MUC12: variants seen among roughly 807,000 people sequenced by gnomAD.
MUC12 encodes mucin-12.
MUC12 carries 172 observed loss-of-function variants against 230.8 expected under a neutral mutation model. The ratio of observed to expected loss-of-function variants is 0.75; its 90% CI spans 0.66 to 0.85. The LOEUF (loss-of-function observed/expected upper bound fraction) is 0.85, where lower values mean the gene tolerates loss of function less well. Among genes scored for constraint, MUC12 ranks in the 40% least tolerant of loss-of-function variants. MUC12 has a pLI of 0.00. For synonymous variants in MUC12, 1,259 were observed against 2,401.9 expected (o/e 0.52, Z 13.91); for missense variants, 3,506 against 5,920.6 (o/e 0.59, Z 13.38).
At chr7:101,005,594 A>G (rs6964653) in intron 2 of MUC12, 75 bp downstream of exon 2, 2 of 1,424,538 alleles carry the variant, frequency 1.4e-6, no homozygotes, top group Admixed American at 2.5e-5. Context: ...ATCCATTACA[A>G]CCTCTCTTGG....
At chr7:101,015,951 C>T (rs1022024279) in intron 10 of MUC12, among the ~76,000 whole-genome samples, 18 of 152,120 alleles carry the variant, frequency 1.2e-4, no homozygotes, top group Middle Eastern at 3.2e-3. Context: ...CTCAGCTAAG[C>T]GGGGTGATAG....
Position 101,012,418 on chromosome 7 carries a change from C to A in MUC12, c.15374C>A (p.Thr5125Lys). 1.3e-6 allele frequency: 2 copies of A among 1,537,848 alleles called. No homozygotes were observed. The highest frequency in any genetic ancestry group is 1.7e-6 in the Non-Finnish European group (2 of 1,147,042). Residue 5125 changes from threonine to lysine, a missense_variant, in exon 6 of 12, where the codon ACA becomes AAA. Transcript: ENST00000536621. ...GCCAAGATTATGAATGAAACTAGAACAACTCTTCTTGATCCTGATTCCTGC... is the reference window on the plus strand; with the variant it reads ...GCCAAGATTATGAATGAAACTAGAAAAACTCTTCTTGATCCTGATTCCTGC... ...VKAKIMNETR[T>K]TLLDPDSCRK...
chr7:100,972,594 C>G (rs1424824034), intron 1 of MUC12, among the ~76,000 whole-genome samples: 1 of 147,430 alleles, frequency 6.8e-6, no homozygotes, highest in Non-Finnish European at 1.5e-5. Context: ...CCTCTGTCTC[C>G]AGGGTTCAAG....
chr7:101,018,197 CTCCCTCCCCCTGGGACCCCT>C (rs1232420074), intron 11 of MUC12, among the ~76,000 whole-genome samples: 62 of 1,960 alleles, frequency 0.032, 30 homozygotes, highest in East Asian at 0.15. Context: ...CTGGGACTCC[CTCCCTCCCCCTGGGACCCCT>C]TCCCTTCCCC....
chr7:101,012,116 G>C (rs1793846709), intron 5 of MUC12, among the ~76,000 whole-genome samples, 180 bp from the exon 6 acceptor site: 2 of 152,112 alleles, frequency 1.3e-5, no homozygotes, highest in Admixed American at 6.5e-5. Flanking sequence ...GTGAGATCTT[G>C]AATCGTTTCG....
In MUC12 at chr7:100,991,133, T is replaced by C; in HGVS notation, c.570T>C (p.Ser190=). Residue 190 remains serine (S), a synonymous_variant, in exon 2 of 12, where the codon AGT becomes AGC. Transcript: ENST00000536621. ...ACAGTACCACCATGCCAGGCGTCAG[T>C]CAGGAATCTACAGCTTCCCACAGCA... ...FPDSTTMPGV[S]QESTASHSIP... is the part of the protein sequence containing the mutation. 3 of 1,537,732 alleles carry C rather than the reference T, an allele frequency of 2.0e-6. No homozygotes were observed. Among genetic ancestry groups the C allele is most frequent in the East Asian group, 2.4e-5 (1 of 40,918 alleles).
intron 2 of MUC12, among the ~76,000 whole-genome samples, 156 bp downstream of exon 2, chr7:101,005,675 A>T (rs1793736057): frequency 6.6e-6 from 1 of 152,110 alleles, no homozygotes; most frequent in African/African-American, 2.4e-5. Context: ...TACCACTTCC[A>T]GTGTTCATGT....
At chr7:100,975,479 T>A (rs1450510771) in intron 1 of MUC12, among the ~76,000 whole-genome samples, 34 of 152,398 alleles carry the variant, frequency 2.2e-4, no homozygotes, top group African/African-American at 7.7e-4. Flanking sequence ...ATTGACGCAA[T>A]TACAAGGAAT....
At position 100,992,000 on chromosome 7, in the gene MUC12, G is replaced by A. The variant is rs773383788; in HGVS notation, c.1437G>A (p.Ala479=). 112 of 1,537,876 alleles carry A rather than the reference G, an allele frequency of 7.3e-5. No individual in the cohort carries two copies. The highest frequency in any genetic ancestry group is 9.1e-5 in the Non-Finnish European group (104 of 1,147,016). Residue 479 remains alanine, a synonymous_variant, in exon 2 of 12, where the codon GCG becomes GCA. Coordinates refer to ENST00000536621, the MANE Select transcript of MUC12 (RefSeq NM_001164462.2). The stretch of plus-strand genomic sequence containing the variant: ...GTTCAGGCTCAATGGAAACCACAGC[G>A]TTACCCGGCAGTACCACAAAACCAG... The part of the protein sequence containing the change: ...PISSGSMETT[A]LPGSTTKPGL...
chr7:101,005,243 G>T lies in MUC12; in HGVS notation c.14680G>T (p.Ala4894Ser). 3 of 1,537,832 alleles carry T rather than the reference G, an allele frequency of 2.0e-6. No individual in the cohort carries two copies. Among genetic ancestry groups the T allele is most frequent in the Non-Finnish European group, 2.6e-6 (3 of 1,147,056 alleles). Residue 4894 changes from alanine (A) to serine (S), a missense_variant, in exon 2 of 12, where the codon GCC (alanine) becomes TCC (serine). Transcript: ENST00000536621. ...AGGCTTCACTCACACAGTGTTACCTGCCACCCTCACAACCACAGACATTGG... is the reference window on the plus strand; with the variant it reads ...AGGCTTCACTCACACAGTGTTACCTTCCACCCTCACAACCACAGACATTGG... ...SPGFTHTVLP[A>S]TLTTTDIGQE...
intron 5 of MUC12, among the ~76,000 whole-genome samples, chr7:101,009,464 T>C (rs1399198678): frequency 6.6e-6 from 1 of 152,092 alleles, no homozygotes; most frequent in Non-Finnish European, 1.5e-5. Flanking sequence ...AGAGTTTCAG[T>C]AAGGGGCACA....
At chr7:100,989,642 C>T (rs528905931) in intron 1 of MUC12, among the ~76,000 whole-genome samples, 2 of 152,094 alleles carry the variant, frequency 1.3e-5, no homozygotes, top group South Asian at 4.2e-4. Flanking sequence ...AAGTACAGTT[C>T]TCCACAACCA....
Position 101,005,104 on chromosome 7 carries a change from T to G in MUC12, c.14541T>G (p.Ser4847Arg). The G allele has an allele frequency of 6.5e-7, 1 of 1,537,956 alleles. No individual in the cohort carries two copies. The highest frequency in any genetic ancestry group is 8.7e-7 in the Non-Finnish European group (1 of 1,147,076). ...SPASTTVPGL[S>R]EESTTFYSSP... Reference sequence around the variant, plus strand: ...CCAGCACCACAGTGCCAGGCCTTAGTGAGGAATCTACCACCTTCTACAGCA... The same window carrying G: ...CCAGCACCACAGTGCCAGGCCTTAGGGAGGAATCTACCACCTTCTACAGCA... Residue 4847 changes from serine to arginine, a missense_variant, in exon 2 of 12, where the codon AGT (serine) becomes AGG (arginine). Transcript: ENST00000536621.
chr7:100,992,311 G>T lies in MUC12; in HGVS notation c.1748G>T (p.Arg583Leu), dbSNP rs535822293. 1 of 1,536,596 alleles carries T rather than the reference G, an allele frequency of 6.5e-7. No homozygotes were observed. Among genetic ancestry groups the T allele is most frequent in the Admixed American group, 2.0e-5 (1 of 50,942 alleles). The stretch of plus-strand genomic sequence containing the variant: ...CCAGAATATACTACCTTCCACAGCC[G>T]CCCAGGCTCCACTGAAACAACACTC... ...LGPEYTTFHS[R>L]PGSTETTLLP... Residue 583 changes from arginine (R) to leucine (L), a missense_variant, in exon 2 of 12, where the codon CGC becomes CTC. Arg to Leu is a moderately radical substitution (Grantham distance 102). Coordinates refer to ENST00000536621, the MANE Select transcript of MUC12 (RefSeq NM_001164462.2).
rs139318051 is a variant in MUC12 at position 100,970,465 on chromosome 7, C to T, written c.67+776C>T. On this transcript the variant is annotated intron_variant, in intron 1 of 11. Transcript: ENST00000536621. ...TTGTGGCACTGCACTCCAGCCTGGG[C>T]GATAAGAGCAAAACACTGCCAAAAA... is the stretch of plus-strand genomic sequence containing the variant. Among the ~76,000 whole-genome samples the T allele has an allele frequency of 9.3e-3, 1,191 of 127,516 alleles. 14 individuals are homozygous for T. Among genetic ancestry groups the T allele is most frequent in the African/African-American group, 0.034 (1,127 of 32,942 alleles). 83.7% of individuals were successfully genotyped at this position (127,516 alleles called of 152,430 possible). A position where few individuals can be genotyped will look rare whatever the true frequency, so the allele number is the denominator to read the frequency against.
intron 1 of MUC12, among the ~76,000 whole-genome samples, chr7:100,975,295 C>T (rs1793007437): frequency 6.6e-6 from 1 of 152,310 alleles, no homozygotes. Flanking sequence ...AACTGTCTGC[C>T]CTGGAGGGGC....
In MUC12 at chr7:100,992,309, C is replaced by T. The variant is rs769589864; in HGVS notation, c.1746C>T (p.Ser582=). 3 of 1,536,552 alleles carry T rather than the reference C, an allele frequency of 2.0e-6. No homozygotes were observed. The highest frequency in any genetic ancestry group is 2.6e-6 in the Non-Finnish European group (3 of 1,145,962). Residue 582 remains serine (S), a synonymous_variant, in exon 2 of 12, where the codon AGC becomes AGT. Coordinates refer to ENST00000536621, the MANE Select transcript of MUC12 (RefSeq NM_001164462.2). ...GTCCAGAATATACTACCTTCCACAG[C>T]CGCCCAGGCTCCACTGAAACAACAC... ...SLGPEYTTFH[S]RPGSTETTLL...
intron 10 of MUC12, 105 bp downstream of exon 10, chr7:101,015,796 G>T: frequency 2.9e-6 from 3 of 1,039,180 alleles, no homozygotes; most frequent in Non-Finnish European, 4.2e-6. Flanking sequence ...CCCCCTTTGG[G>T]GTGGCTGTGA....
chr7:101,007,173 G>A (rs1488894390), intron 3 of MUC12, among the ~76,000 whole-genome samples: 3 of 152,156 alleles, frequency 2.0e-5, no homozygotes, highest in Non-Finnish European at 4.4e-5. Context: ...TGGCCAGGCT[G>A]GTATGGAACT....
Sources: allele counts gnomAD v4.1 joint callset (sites outside exome capture counted in the v4.1 genomes callset), GRCh38; gene constraint gnomAD v4.1.1; transcripts MANE v1.5; gene names NCBI Gene and HGNC (gene_info 2026-07-23, HGNC 2026-07-21).